Variants in SAMD3 observed in about 807,000 individuals in gnomAD.
SAMD3 encodes the protein sterile alpha motif domain-containing protein 3.
SAMD3 carries 63 observed loss-of-function variants against 58.5 expected under a neutral mutation model. The ratio of observed to expected loss-of-function variants is 1.08; its 90% CI spans 0.88 to 1.33. The LOEUF is 1.33. Ranked by LOEUF, SAMD3 falls within the 40% of genes most tolerant of loss-of-function variation. The pLI is 0.00. For missense variants in SAMD3, 604 were observed against 608.4 expected (o/e 0.99, Z 0.08); for synonymous variants, 220 against 210.3 (o/e 1.05, Z -0.40).
In SAMD3 at chr6:130,189,449, C is replaced by T. The variant is rs1416325646; in HGVS notation, c.384-4826G>A. On this transcript the variant is annotated intron_variant, in intron 5 of 11. Coordinates refer to ENST00000439090, the MANE Select transcript of SAMD3 (RefSeq NM_001017373.4). The stretch of plus-strand genomic sequence containing the variant: ...AAAATAAATTTCTATGTTTAGGTCA[C>T]CAAGTCTATGGTATTTGTTTGGCAG... Among the ~76,000 whole-genome samples the T allele has an allele frequency of 3.3e-5, 5 of 152,308 alleles. No individual in the cohort carries two copies. In the South Asian group the frequency reaches 1.0e-3, roughly 32 times the overall value.
At chr6:130,331,902 A>G (rs981046017) in intron 1 of SAMD3, among the ~76,000 whole-genome samples, 4 of 152,248 alleles carry the variant, frequency 2.6e-5, no homozygotes, top group African/African-American at 9.6e-5. Flanking sequence ...ATACCTGGAC[A>G]TCGAGGTGAA....
intron 5 of SAMD3, among the ~76,000 whole-genome samples, chr6:130,206,544 T>A (rs1795098645): frequency 6.6e-6 from 1 of 152,196 alleles, no homozygotes; most frequent in African/African-American, 2.4e-5. Context: ...ATAAACTCCC[T>A]TTGTCTTTAC....
chr6:130,228,226 T>C (rs1269795379), intron 2 of SAMD3, among the ~76,000 whole-genome samples: 1 of 152,222 alleles, frequency 6.6e-6, no homozygotes, highest in Non-Finnish European at 1.5e-5. Context: ...AGCACAGTGG[T>C]GACCTCCAGT....
intron 2 of SAMD3, among the ~76,000 whole-genome samples, chr6:130,271,008 T>C (rs4895871): frequency 6.6e-6 from 1 of 150,600 alleles, no homozygotes; most frequent in Non-Finnish European, 1.5e-5. Context: ...TTTTTTTTTG[T>C]TTTTTTTTCC....
At chr6:130,345,376 G>A (rs1777414045) in intron 1 of SAMD3, among the ~76,000 whole-genome samples, 1 of 152,186 alleles carries the variant, frequency 6.6e-6, no homozygotes, top group African/African-American at 2.4e-5. Flanking sequence ...TTTCCTGTTA[G>A]GCAGCTGTGT....
intron 1 of SAMD3, among the ~76,000 whole-genome samples, chr6:130,353,854 C>A (rs907582973): frequency 2.6e-5 from 4 of 151,882 alleles, no homozygotes; most frequent in African/African-American, 9.7e-5. Flanking sequence ...TATTCCACAG[C>A]AAAAGAAACT....
intron 4 of SAMD3, among the ~76,000 whole-genome samples, chr6:130,213,231 G>A (rs149013393): frequency 2.3e-4 from 35 of 151,882 alleles, no homozygotes; most frequent in African/African-American, 7.0e-4. Context: ...CCAGGAATTC[G>A]AAGCTGCCGT....
intron 5 of SAMD3, among the ~76,000 whole-genome samples, chr6:130,203,295 C>G (rs1889628): frequency 0.4 from 61,517 of 152,100 alleles, 13,245 homozygotes; most frequent in African/African-American, 0.49. Flanking sequence ...ATTCATTCTT[C>G]TATGTATTTT....
chr6:130,209,890 A>T (rs139040000), intron 4 of SAMD3, among the ~76,000 whole-genome samples: 57 of 152,344 alleles, frequency 3.7e-4, no homozygotes, highest in African/African-American at 1.3e-3. Flanking sequence ...ACCTTCCTTT[A>T]TGAAATGATG....
At chr6:130,191,518 T>A (rs1279816061) in intron 5 of SAMD3, among the ~76,000 whole-genome samples, 1 of 152,190 alleles carries the variant, frequency 6.6e-6, no homozygotes, top group Non-Finnish European at 1.5e-5. Flanking sequence ...AAGTAGATAA[T>A]ATTGCCTTAG....
intron 8 of SAMD3, among the ~76,000 whole-genome samples, chr6:130,171,427 G>T (rs1046158230): frequency 6.6e-6 from 1 of 152,044 alleles, no homozygotes; most frequent in Non-Finnish European, 1.5e-5. Context: ...TGTTCTCACT[G>T]GTTTCAAAGA....
intron 7 of SAMD3, 32 bp downstream of exon 7, chr6:130,184,068 TGAA>T (rs1332625911): frequency 1.3e-6 from 2 of 1,546,332 alleles, no homozygotes. Context: ...TAAGATAGTC[TGAA>T]ATTAACAGGA....
At chr6:130,150,586 G>A (rs967742440) in intron 9 of SAMD3, among the ~76,000 whole-genome samples, 1 of 152,116 alleles carries the variant, frequency 6.6e-6, no homozygotes, top group African/African-American at 2.4e-5. Flanking sequence ...TTTGTTGTTT[G>A]TCCTTAGTCC....
At chr6:130,177,130 G>A (rs534892027) in intron 7 of SAMD3, among the ~76,000 whole-genome samples, 1 of 152,270 alleles carries the variant, frequency 6.6e-6, no homozygotes, top group South Asian at 2.1e-4. Flanking sequence ...ACAGGTTGCT[G>A]AGCACCACTC....
chr6:130,293,453 T>C (rs1037317665), intron 2 of SAMD3, among the ~76,000 whole-genome samples: 6 of 152,110 alleles, frequency 3.9e-5, no homozygotes, highest in Admixed American at 2.0e-4. Flanking sequence ...CTCTTTCCTT[T>C]AGACAAAGAT....
At chr6:130,278,837 C>T (rs1047644168) in intron 2 of SAMD3, among the ~76,000 whole-genome samples, 2 of 152,182 alleles carry the variant, frequency 1.3e-5, no homozygotes, top group Non-Finnish European at 2.9e-5. Context: ...CACAATAATG[C>T]CTACTGCACG....
At chr6:130,272,518 A>G (rs1389839710) in intron 2 of SAMD3, among the ~76,000 whole-genome samples, 1 of 152,242 alleles carries the variant, frequency 6.6e-6, no homozygotes, top group African/African-American at 2.4e-5. Flanking sequence ...CAATGAGGAA[A>G]TAATTAGAGA....
chr6:130,298,977 C>A (rs1445760414), intron 2 of SAMD3, among the ~76,000 whole-genome samples: 1 of 152,022 alleles, frequency 6.6e-6, no homozygotes, highest in African/African-American at 2.4e-5. Flanking sequence ...TCTACTAGAC[C>A]TAAAGAGAAA....
At chr6:130,322,018 C>A (rs1004240439) in intron 1 of SAMD3, among the ~76,000 whole-genome samples, 4 of 152,148 alleles carry the variant, frequency 2.6e-5, no homozygotes, top group Non-Finnish European at 4.4e-5. Flanking sequence ...GAGGAATAAG[C>A]AGAGAAGACA....
Sources: gnomAD v4.1 joint callset for allele counts (sites outside exome capture counted in the v4.1 genomes callset) on GRCh38, gnomAD v4.1.1 for gene constraint, MANE v1.5 for transcripts, NCBI Gene and HGNC (gene_info 2026-07-23, HGNC 2026-07-21) for gene names.